AKR1E2: variants seen among roughly 807,000 people sequenced by gnomAD.
AKR1E2 encodes 1,5-anhydro-D-fructose reductase.
A neutral mutation model predicts 41.9 loss-of-function variants in AKR1E2; 43 were observed. The observed-to-expected ratio is 1.03, with a 90% CI of 0.80 to 1.32. The LOEUF is 1.32. Ranked by LOEUF, AKR1E2 falls within the 40% of genes most tolerant of loss-of-function variation. AKR1E2 has a pLI of 0.00. For missense variants in AKR1E2, 423 were observed against 396.5 expected (o/e 1.07, Z -0.57); for synonymous variants, 121 against 138.9 (o/e 0.87, Z 0.91).
chr10:4,845,921 T>A (rs1265783931), intron 8 of AKR1E2: 1 of 459,688 alleles, frequency 2.2e-6, no homozygotes, highest in African/African-American at 2.0e-5. Context: ...GAGGAAGTGC[T>A]TATGCTGTCA....
chr10:4,835,635 T>G, intron 3 of AKR1E2, 40 bp from the exon 4 acceptor site: 1 of 1,593,330 alleles, frequency 6.3e-7, no homozygotes. Flanking sequence ...TTGTTTTGTT[T>G]TGTTTTGTTT....
At chr10:4,858,089 A>G in the AKR1E2 span, among the ~76,000 whole-genome samples, 2 of 151,892 alleles carry the variant, frequency 1.3e-5, no homozygotes, top group South Asian at 2.1e-4. Context: ...TGATTTTACC[A>G]TGTTAGTTTT....
intron 1 of AKR1E2, among the ~76,000 whole-genome samples, chr10:4,830,097 TGTCA>T (rs1832853746): frequency 6.6e-6 from 1 of 152,194 alleles, no homozygotes; most frequent in African/African-American, 2.4e-5. Context: ...ATAAAGCCCT[TGTCA>T]GTCTTCAGTT....
At chr10:4,844,288 G>A (rs878899715) in intron 8 of AKR1E2, among the ~76,000 whole-genome samples, 16 of 152,028 alleles carry the variant, frequency 1.1e-4, no homozygotes, top group Admixed American at 5.2e-4. Flanking sequence ...CGTTCCTCCC[G>A]GTGGGTTCGT....
chr10:4,872,749 A>C, the AKR1E2 span, among the ~76,000 whole-genome samples: 1 of 152,224 alleles, frequency 6.6e-6, no homozygotes, highest in African/African-American at 2.4e-5. Context: ...CTAATGTGGT[A>C]AAGATAAAAT....
chr10:4,871,324 C>CT, the AKR1E2 span, among the ~76,000 whole-genome samples: 1 of 152,022 alleles, frequency 6.6e-6, no homozygotes, highest in Non-Finnish European at 1.5e-5. Context: ...TGTTGCTTAT[C>CT]TTTATTTATT....
intron 5 of AKR1E2, 51 bp from the exon 6 acceptor site, chr10:4,839,678 T>C (rs1251249178): frequency 6.5e-7 from 1 of 1,547,322 alleles, no homozygotes; most frequent in African/African-American, 1.4e-5. Context: ...TGTAGAGCTT[T>C]TCTTGAACAC....
At chr10:4,832,520 G>A (rs12573010) in intron 2 of AKR1E2, among the ~76,000 whole-genome samples, 5,366 of 151,542 alleles carry the variant, frequency 0.035, 154 homozygotes, top group East Asian at 0.12. Flanking sequence ...TGTGTGGATC[G>A]TAGTCAGCAG....
At chr10:4,871,245 T>C in the AKR1E2 span, among the ~76,000 whole-genome samples, 1 of 152,174 alleles carries the variant, frequency 6.6e-6, no homozygotes, top group Non-Finnish European at 1.5e-5. Flanking sequence ...TGTTGAAACA[T>C]TTTTACAATG....
Position 4,839,741 on chromosome 10 carries a change from C to G in AKR1E2, c.595C>G (p.Pro199Ala). 1.2e-6 allele frequency: 2 copies of G among 1,613,720 alleles called. No homozygotes were observed. Among genetic ancestry groups the G allele is most frequent in the African/African-American group, 2.7e-5 (2 of 74,984 alleles). The change falls in exon 6 of 10, where the codon CCA (proline) becomes GCA (alanine). Residue 199 changes from proline to alanine, a missense_variant. By Grantham distance (27) the Pro-to-Ala change is conservative. Transcript: ENST00000298375. ...GATTCTGTTATAGATTGAGTGCCAC[C>G]CATATCTTACTCAGAAGAATCTGAT... The part of the protein sequence containing the change: ...KPLTNQIECH[P>A]YLTQKNLISF...
At chr10:4,867,467 C>A in the AKR1E2 span, among the ~76,000 whole-genome samples, 1 of 152,162 alleles carries the variant, frequency 6.6e-6, no homozygotes, top group Non-Finnish European at 1.5e-5. Flanking sequence ...CCTCCTTAAC[C>A]CCTGGCAACT....
chr10:4,838,058 C>T (rs1833578325), intron 5 of AKR1E2, among the ~76,000 whole-genome samples: 1 of 152,234 alleles, frequency 6.6e-6, no homozygotes, highest in South Asian at 2.1e-4. Context: ...ATTGTATTTT[C>T]TAGACTAGCT....
the AKR1E2 span, among the ~76,000 whole-genome samples, chr10:4,872,763 C>A: frequency 6.6e-6 from 1 of 152,078 alleles, no homozygotes; most frequent in Non-Finnish European, 1.5e-5. Flanking sequence ...ATAAAATAAG[C>A]TAAATAAACT....
the AKR1E2 span, among the ~76,000 whole-genome samples, chr10:4,861,806 G>T: frequency 6.6e-6 from 1 of 152,092 alleles, no homozygotes; most frequent in Non-Finnish European, 1.5e-5. Flanking sequence ...ATTTGTTGGA[G>T]TTCTTTGTAG....
At chr10:4,834,107 G>A (rs1459312275) in intron 3 of AKR1E2, among the ~76,000 whole-genome samples, 1 of 152,156 alleles carries the variant, frequency 6.6e-6, no homozygotes, top group African/African-American at 2.4e-5. Context: ...ATTTGCCCTG[G>A]GCTGTGATGA....
At chr10:4,850,505 T>A (rs558183696), downstream of AKR1E2, among the ~76,000 whole-genome samples, 68 of 152,308 alleles carry the variant, frequency 4.5e-4, no homozygotes, top group African/African-American at 1.6e-3. Context: ...TGTTTGATTG[T>A]TTTGAGAAAC....
At chr10:4,844,791 A>G (rs1834186559) in intron 8 of AKR1E2, among the ~76,000 whole-genome samples, 1 of 152,220 alleles carries the variant, frequency 6.6e-6, no homozygotes, top group South Asian at 2.1e-4. Flanking sequence ...TGTATTTACA[A>G]TCCCCTAGCT....
the AKR1E2 span, among the ~76,000 whole-genome samples, chr10:4,867,161 A>G: frequency 0.22 from 33,173 of 152,186 alleles, 3,832 homozygotes; most frequent in Middle Eastern, 0.33. Context: ...GGAATGAACA[A>G]GGACAACTTG....
At chr10:4,854,154 C>G in the AKR1E2 span, among the ~76,000 whole-genome samples, 1 of 146,438 alleles carries the variant, frequency 6.8e-6, no homozygotes, top group Non-Finnish European at 1.5e-5. Context: ...AGTATAGTGG[C>G]ACTATCTCAA....
Sources: allele counts gnomAD v4.1 joint callset (sites outside exome capture counted in the v4.1 genomes callset), GRCh38; gene constraint gnomAD v4.1.1; transcripts MANE v1.5; gene names NCBI Gene and HGNC (gene_info 2026-07-23, HGNC 2026-07-21).